TMLHE: variants seen among roughly 807,000 people sequenced by gnomAD.
The protein encoded by TMLHE is trimethyllysine hydroxylase, epsilon, also known as trimethyllysine dioxygenase, mitochondrial.
TMLHE carries 18 observed loss-of-function variants against 25.7 expected under a neutral mutation model. That is an observed-to-expected ratio of 0.70 (90% confidence interval 0.48 to 1.04). The LOEUF (loss-of-function observed/expected upper bound fraction) is 1.04. TMLHE is among the 50% of genes least tolerant of loss of function. TMLHE has a pLI of 0.00. For missense variants in TMLHE, 236 were observed against 259.0 expected, an observed-to-expected ratio of 0.91 and a Z score of 0.61; for synonymous variants, 105 against 97.0, an observed-to-expected ratio of 1.08 and a Z score of -0.49.
intron 1 of TMLHE, among the ~76,000 whole-genome samples, chrX:155,553,696 A>G (rs1188508277): frequency 3.6e-5 from 4 of 109,663 alleles, no homozygotes; most frequent in Non-Finnish European, 7.6e-5. Context: ...CTATATCACT[A>G]TTTACTTTCT....
intron 1 of TMLHE, among the ~76,000 whole-genome samples, chrX:155,600,339 C>T (rs948534342): frequency 2.7e-5 from 3 of 111,821 alleles, no homozygotes; most frequent in Non-Finnish European, 3.8e-5. Context: ...ATAAATCACT[C>T]GCATTTAATT....
chrX:155,512,642 A>AT (rs2067125464), intron 4 of TMLHE, among the ~76,000 whole-genome samples: 1 of 110,890 alleles, frequency 9.0e-6, no homozygotes, highest in African/African-American at 3.3e-5. Flanking sequence ...TATTAGTACC[A>AT]TTTTTTCAAT....
intron 1 of TMLHE, among the ~76,000 whole-genome samples, chrX:155,600,238 C>T (rs1170140609): frequency 2.7e-5 from 3 of 111,227 alleles, no homozygotes; most frequent in Non-Finnish European, 3.8e-5. Context: ...TATTTGTAGC[C>T]GTCACATTCA....
At position 155,548,501 on chromosome X, in the gene TMLHE, CAAGGCGGGCGGATCACA is replaced by C. The variant is rs1569562077; in HGVS notation, c.-1-3241_-1-3225del. Among the ~76,000 whole-genome samples, 234 of 108,469 alleles carry C rather than the reference CAAGGCGGGCGGATCACA, an allele frequency of 2.2e-3. 8 individuals carry two copies. Among genetic ancestry groups the C allele is most frequent in the African/African-American group, 8.0e-3 (226 of 28,228 alleles). The allele number at this position is 108,469 out of a possible 115,157, so 94.2% of individuals were successfully genotyped here. ...CTGAAATCCCAGCACTTTGGGAGGT[CAAGGCGGGCGGATCACA>C]AGGTCAGCAGTATGAGGCCAGCCTG... On this transcript the variant is annotated intron_variant, in intron 1 of 7. Transcript: ENST00000334398.
In TMLHE at chrX:155,511,735, A is replaced by G; in HGVS notation, c.696T>C (p.Thr232=). ...GATCCAGAGCTAGCTTGGTGTACGC[A>G]GTGTCACCTCTGGAGAAGTCTGAAG... The part of the protein sequence containing the change: ...YFTSDFSRGD[T]AYTKLALDRH... Residue 232 remains threonine (T), a synonymous_variant, in exon 5 of 8, where the codon ACT becomes ACC. Transcript: ENST00000334398. The G allele has an allele frequency of 2.5e-6, 3 of 1,201,566 alleles. No individual in the cohort carries two copies. Among genetic ancestry groups the G allele is most frequent in the Non-Finnish European group, 3.4e-6 (3 of 888,264 alleles).
At position 155,582,769 on chromosome X, in the gene TMLHE, C is replaced by G. The variant is rs782232037; in HGVS notation, c.-2+30023G>C. Among the ~76,000 whole-genome samples, 3 of 112,146 alleles carry G rather than the reference C, an allele frequency of 2.7e-5. No homozygotes were observed. In the South Asian group the frequency reaches 1.1e-3, roughly 42 times the overall value. ...CATTGTGGAAGACAGTGTGGCGATT[C>G]CTCAAGGATCTAGAACTAGAAATAC... On this transcript the variant is annotated intron_variant, in intron 1 of 7. Coordinates refer to ENST00000334398, the MANE Select transcript of TMLHE (RefSeq NM_018196.4).
chrX:155,514,925 G>A (rs1557334517), intron 3 of TMLHE, among the ~76,000 whole-genome samples: 1 of 111,749 alleles, frequency 8.9e-6, no homozygotes, highest in Non-Finnish European at 1.9e-5. Flanking sequence ...AACCAACCCT[G>A]AAATGCTTTA....
intron 1 of TMLHE, among the ~76,000 whole-genome samples, chrX:155,589,614 A>T (rs1218616068): frequency 1.8e-5 from 2 of 111,905 alleles, no homozygotes; most frequent in Admixed American, 1.9e-4. Context: ...AGAATGATAG[A>T]TATTAGAGGT....
In TMLHE at chrX:155,578,886, CA is replaced by C. The variant is rs782528612; in HGVS notation, c.-1-33610del. 5.7e-4 allele frequency among the ~76,000 whole-genome samples: 64 copies of C among 111,558 alleles called. No homozygotes were observed. In the East Asian group the frequency reaches 6.2e-3, roughly 11 times the overall value. Reference sequence around the variant, plus strand: ...CCTAGAAAACCCTAAAGACTTTCTCCAAAAAACTTGTAGAGTTGATTTCAGT... The same window carrying C: ...CCTAGAAAACCCTAAAGACTTTCTCCAAAAACTTGTAGAGTTGATTTCAGT... On this transcript the variant is annotated intron_variant, in intron 1 of 7. Coordinates refer to ENST00000334398, the MANE Select transcript of TMLHE (RefSeq NM_018196.4).
chrX:155,606,799 C>CAAAAAA (rs59056895), intron 1 of TMLHE, among the ~76,000 whole-genome samples: 1 of 78,480 alleles, frequency 1.3e-5, no homozygotes, highest in Non-Finnish European at 2.4e-5. Context: ...CACAGAAATA[C>CAAAAAA]AAAAAAAAAA....
intron 1 of TMLHE, among the ~76,000 whole-genome samples, chrX:155,549,377 G>A (rs1238955859): frequency 9.1e-6 from 1 of 109,819 alleles, no homozygotes; most frequent in African/African-American, 3.4e-5. Flanking sequence ...TGTTATTAAT[G>A]GCCTTTTTCT....
intron 3 of TMLHE, among the ~76,000 whole-genome samples, chrX:155,515,894 A>C (rs1433122382): frequency 4.5e-5 from 5 of 110,265 alleles, no homozygotes; most frequent in African/African-American, 1.6e-4. Flanking sequence ...ATAGCCCACA[A>C]AGTTTGAAAA....
chrX:155,515,629 T>C (rs1290362889), intron 3 of TMLHE, among the ~76,000 whole-genome samples: 1 of 112,002 alleles, frequency 8.9e-6, no homozygotes. Context: ...AAATGGAGTA[T>C]TCTTATTTTT....
At chrX:155,586,098 A>G (rs1231636639) in intron 1 of TMLHE, among the ~76,000 whole-genome samples, 2 of 109,961 alleles carry the variant, frequency 1.8e-5, no homozygotes, top group Non-Finnish European at 3.8e-5. Flanking sequence ...ATGGTGGTGC[A>G]TGCCTGTAAT....
intron 1 of TMLHE, among the ~76,000 whole-genome samples, chrX:155,548,500 T>C (rs186037681): frequency 0.016 from 1,733 of 107,990 alleles, 27 homozygotes; most frequent in South Asian, 0.064. Context: ...CTTTGGGAGG[T>C]CAAGGCGGGC....
rs189177740 is a variant in TMLHE, at chrX:155,549,426, G to C, written c.-1-4149C>G. Among the ~76,000 whole-genome samples the C allele has an allele frequency of 2.7e-5, 3 of 110,099 alleles. No homozygotes were observed. The East Asian group carries it at 8.5e-4, about 31-fold the overall frequency. On this transcript the variant is annotated intron_variant, in intron 1 of 7. Coordinates refer to ENST00000334398, the MANE Select transcript of TMLHE (RefSeq NM_018196.4). ...TCCTTCAATTCCTAGTTTTCTGAGAGTATTTATCAGGAATATGACTTGAAT... is the reference window on the plus strand; with the variant it reads ...TCCTTCAATTCCTAGTTTTCTGAGACTATTTATCAGGAATATGACTTGAAT...
At chrX:155,530,453 T>C (rs1040339117) in intron 2 of TMLHE, among the ~76,000 whole-genome samples, 1 of 56,775 alleles carries the variant, frequency 1.8e-5, no homozygotes, top group Admixed American at 1.9e-4. Flanking sequence ...AAGTAGCAGA[T>C]ATGTAGAATG....
At chrX:155,592,341 T>A (rs187329445) in intron 1 of TMLHE, among the ~76,000 whole-genome samples, 17 of 112,134 alleles carry the variant, frequency 1.5e-4, no homozygotes, top group African/African-American at 5.5e-4. Context: ...CAGGCTTTAC[T>A]TCTCTCCATA....
chrX:155,561,044 G>A (rs1205521382), intron 1 of TMLHE, among the ~76,000 whole-genome samples: 1 of 61,093 alleles, frequency 1.6e-5, no homozygotes, highest in African/African-American at 3.6e-5. Flanking sequence ...AGTGAAAGTG[G>A]TGAAAAAGGG....
Sources: allele counts gnomAD v4.1 joint callset (sites outside exome capture counted in the v4.1 genomes callset), GRCh38; gene constraint gnomAD v4.1.1; transcripts MANE v1.5; gene names NCBI Gene and HGNC (gene_info 2026-07-23, HGNC 2026-07-21).